Variants in IQCK observed in about 807,000 individuals in gnomAD.
IQCK encodes the protein IQ domain-containing protein K.
A neutral mutation model predicts 28.1 loss-of-function variants in IQCK; 29 were observed. That is an observed-to-expected ratio of 1.03 (90% CI 0.77 to 1.41). IQCK has a LOEUF of 1.41. Among genes scored for constraint, IQCK ranks in the 40% most tolerant of loss-of-function variants. The pLI is 0.00. For missense variants in IQCK, 359 were observed against 314.7 expected (o/e 1.14, Z -1.07); for synonymous variants, 113 against 115.1 (o/e 0.98, Z 0.12).
chr16:19,767,253 A>G (rs2354584), intron 6 of IQCK, among the ~76,000 whole-genome samples: 13,175 of 152,202 alleles, frequency 0.087, 696 homozygotes, highest in Non-Finnish European at 0.12. Flanking sequence ...GTTTGTGTTA[A>G]CCAGCTCAAT....
chr16:19,849,768 A>G (rs554477445), intron 9 of IQCK, among the ~76,000 whole-genome samples: 1 of 152,124 alleles, frequency 6.6e-6, no homozygotes, highest in South Asian at 2.1e-4. Context: ...CTCTGAAAAA[A>G]AAAAAGAAAA....
At chr16:19,783,415 C>T (rs796809226) in intron 6 of IQCK, among the ~76,000 whole-genome samples, 6 of 152,228 alleles carry the variant, frequency 3.9e-5, no homozygotes, top group African/African-American at 1.2e-4. Flanking sequence ...GCAGTGCTAT[C>T]GTGCCCGTCT....
At chr16:19,726,456 AT>A (rs1262695861) in intron 1 of IQCK, among the ~76,000 whole-genome samples, 1 of 152,158 alleles carries the variant, frequency 6.6e-6, no homozygotes, top group Non-Finnish European at 1.5e-5. Context: ...ACAGAAAAAA[AT>A]TCCACATCTA....
rs141883728 is a variant in IQCK, at chr16:19,735,674, G to A, written c.474+224G>A. On this transcript the variant is annotated intron_variant, in intron 4 of 7. Transcript: ENST00000564186. ...CACTTGGACTCCGGAGAGCTTTTCC[G>A]CCTTGCTTGGCCTCCTGCCTGCCCT... 2,182 of 515,888 alleles carry A rather than the reference G, an allele frequency of 4.2e-3. 15 individuals are homozygous for A. Among genetic ancestry groups the A allele is most frequent in the Non-Finnish European group, 6.4e-3 (1,843 of 285,766 alleles). The allele number at this position is 515,888 out of a possible 1,614,324, so 32.0% of individuals were successfully genotyped here.
chr16:19,820,659 A>G (rs1468770508), intron 7 of IQCK, among the ~76,000 whole-genome samples: 1 of 151,996 alleles, frequency 6.6e-6, no homozygotes, highest in African/African-American at 2.4e-5. Flanking sequence ...AAAAAAAAAA[A>G]AAAAAAGATA....
chr16:19,719,670 ATTTTTTTT>A (rs1204084614), intron 1 of IQCK, among the ~76,000 whole-genome samples: 5 of 126,604 alleles, frequency 3.9e-5, no homozygotes, highest in African/African-American at 6.4e-5. Context: ...TTGGACTCAA[ATTTTTTTT>A]TTTTTTTTTT....
At chr16:19,733,113 T>TA (rs1977893474) in intron 2 of IQCK, among the ~76,000 whole-genome samples, 1 of 152,092 alleles carries the variant, frequency 6.6e-6, no homozygotes, top group Non-Finnish European at 1.5e-5. Flanking sequence ...CTGTGACTGT[T>TA]ACTTCCACTC....
chr16:19,718,360 C>G lies in IQCK; in HGVS notation c.54C>G (p.Cys18Trp), dbSNP rs777953549. The G allele has an allele frequency of 1.2e-5, 20 of 1,609,834 alleles. 1 individual carries two copies. The highest frequency in any genetic ancestry group is 5.3e-5 in the African/African-American group (4 of 74,896). Residue 18 changes from cysteine to tryptophan, a missense_variant, in exon 1 of 8, where the codon TGC becomes TGG. Physicochemically the swap from Cys to Trp is radical, Grantham distance 215. Transcript: ENST00000564186. ...ACATAGTGCGCCTCAAGCCCAGCTG[C>G]TCTACAGACTCGTCGTTCACCCGGA...
intron 1 of IQCK, among the ~76,000 whole-genome samples, chr16:19,721,228 G>A (rs776690056): frequency 6.6e-5 from 10 of 152,084 alleles, no homozygotes; most frequent in South Asian, 4.1e-4. Flanking sequence ...ATTCTCTTAA[G>A]ATAATCTCCA....
At chr16:19,737,845 T>A (rs2054779125) in intron 4 of IQCK, among the ~76,000 whole-genome samples, 1 of 151,994 alleles carries the variant, frequency 6.6e-6, no homozygotes, top group South Asian at 2.1e-4. Flanking sequence ...CTGCTTTTTT[T>A]AGAAAAAAAA....
chr16:19,776,008 A>C (rs1448102050), intron 6 of IQCK, among the ~76,000 whole-genome samples: 1 of 149,772 alleles, frequency 6.7e-6, no homozygotes, highest in African/African-American at 2.5e-5. Context: ...CAGCCTCCCA[A>C]GTAGCTGGGC....
chr16:19,753,565 T>C (rs1484693025), intron 4 of IQCK, among the ~76,000 whole-genome samples: 1 of 152,170 alleles, frequency 6.6e-6, no homozygotes, highest in Non-Finnish European at 1.5e-5. Flanking sequence ...TGAAAGGAAC[T>C]CAGGGTGCTG....
At chr16:19,830,352 C>T (rs946814306), downstream of IQCK, among the ~76,000 whole-genome samples, 2 of 152,260 alleles carry the variant, frequency 1.3e-5, no homozygotes, top group African/African-American at 4.8e-5. Flanking sequence ...GGGCTCGCTT[C>T]GGAGCAGGGA....
intron 4 of IQCK, among the ~76,000 whole-genome samples, chr16:19,744,122 A>G (rs968416686): frequency 6.6e-6 from 1 of 152,104 alleles, no homozygotes; most frequent in African/African-American, 2.4e-5. Context: ...CCCAAAAGCT[A>G]TGCAAGCTTG....
chr16:19,777,760 C>T (rs1280873412), intron 6 of IQCK, among the ~76,000 whole-genome samples: 1 of 152,026 alleles, frequency 6.6e-6, no homozygotes, highest in African/African-American at 2.4e-5. Flanking sequence ...TGTTTAAGAA[C>T]CAGTTCAGGG....
intron 9 of IQCK, among the ~76,000 whole-genome samples, chr16:19,846,967 TG>T (rs376915201): frequency 1.2e-4 from 18 of 152,208 alleles, no homozygotes; most frequent in South Asian, 6.2e-4. Context: ...TGTCAGATGA[TG>T]GTTAAGACCA....
intron 6 of IQCK, among the ~76,000 whole-genome samples, chr16:19,769,205 C>T (rs2055284254): frequency 6.6e-6 from 1 of 152,180 alleles, no homozygotes; most frequent in South Asian, 2.1e-4. Context: ...AAGTCAAATA[C>T]CTCCATTTCC....
intron 7 of IQCK, among the ~76,000 whole-genome samples, chr16:19,815,015 G>A (rs1480601640): frequency 6.6e-6 from 1 of 152,132 alleles, no homozygotes; most frequent in Non-Finnish European, 1.5e-5. Context: ...TCGAATTCCT[G>A]TGCTCAAGTG....
chr16:19,719,036 A>G (rs965416351), intron 1 of IQCK, among the ~76,000 whole-genome samples: 1 of 152,182 alleles, frequency 6.6e-6, no homozygotes, highest in Non-Finnish European at 1.5e-5. Context: ...AGTTGAGCAC[A>G]TCTTCCTTTG....
Sources: allele counts gnomAD v4.1 joint callset (sites outside exome capture counted in the v4.1 genomes callset), GRCh38; gene constraint gnomAD v4.1.1; transcripts MANE v1.5; gene names NCBI Gene and HGNC (gene_info 2026-07-23, HGNC 2026-07-21).